CSMD1: variants seen among roughly 807,000 people sequenced by gnomAD.
The protein encoded by CSMD1 is CUB and sushi domain-containing protein 1.
In CSMD1, 213 loss-of-function variants were observed where a neutral mutation model predicts 417.5. The observed-to-expected ratio is 0.51, with a 90% CI of 0.46 to 0.57. The LOEUF (loss-of-function observed/expected upper bound fraction) is 0.57, where lower values mean the gene tolerates loss of function less well. Among genes scored for constraint, CSMD1 ranks in the 20% least tolerant of loss-of-function variants. CSMD1 has a pLI of 0.00. For synonymous variants in CSMD1, 2,862 were observed against 1,736.8 expected (o/e 1.65, Z -16.11); for missense variants, 6,923 against 4,529.7 (o/e 1.53, Z -15.17).
intron 5 of CSMD1, among the ~76,000 whole-genome samples, chr8:3,990,348 A>G (rs1242901155): frequency 2.0e-5 from 3 of 152,186 alleles, no homozygotes; most frequent in Non-Finnish European, 4.4e-5. Context: ...TGAGAGAAAT[A>G]TTACACCAGA....
chr8:3,250,401 T>C (rs1800177126), intron 26 of CSMD1, among the ~76,000 whole-genome samples: 2 of 152,258 alleles, frequency 1.3e-5, no homozygotes, highest in Admixed American at 1.3e-4. Flanking sequence ...TTATTTTTTA[T>C]GGCTGGATAG....
intron 2 of CSMD1, among the ~76,000 whole-genome samples, chr8:4,490,364 T>C (rs1473785459): frequency 6.6e-6 from 1 of 152,170 alleles, no homozygotes; most frequent in East Asian, 1.9e-4. Context: ...GTGCAACCAT[T>C]GCTTAATGTC....
At chr8:3,657,969 T>C (rs764092140) in intron 7 of CSMD1, among the ~76,000 whole-genome samples, 1 of 152,166 alleles carries the variant, frequency 6.6e-6, no homozygotes, top group Non-Finnish European at 1.5e-5. Flanking sequence ...TAATGGTAAA[T>C]ACATCAAATA....
intron 50 of CSMD1, among the ~76,000 whole-genome samples, chr8:3,044,589 C>T (rs563173606): frequency 2.0e-4 from 30 of 151,866 alleles, no homozygotes; most frequent in African/African-American, 6.8e-4. Flanking sequence ...TAGCATGAAT[C>T]GTGTCTTCGA....
intron 63 of CSMD1, among the ~76,000 whole-genome samples, chr8:2,956,591 C>A (rs1447896654): frequency 1.1e-4 from 16 of 152,010 alleles, no homozygotes; most frequent in Admixed American, 1.0e-3. Context: ...GTAGCTGGGA[C>A]TACAGGCACC....
At chr8:4,262,702 C>T (rs899906701) in intron 3 of CSMD1, among the ~76,000 whole-genome samples, 1 of 152,090 alleles carries the variant, frequency 6.6e-6, no homozygotes, top group Non-Finnish European at 1.5e-5. Context: ...CTCAAGTTAT[C>T]ACTCAGGTCC....
chr8:4,862,512 G>A (rs906891130), intron 1 of CSMD1, among the ~76,000 whole-genome samples: 3 of 152,040 alleles, frequency 2.0e-5, no homozygotes, highest in South Asian at 2.1e-4. Flanking sequence ...AAATATCATC[G>A]TGGTTTGGAC....
intron 12 of CSMD1, among the ~76,000 whole-genome samples, chr8:3,445,991 G>C: frequency 6.6e-6 from 1 of 152,136 alleles, no homozygotes; most frequent in East Asian, 1.9e-4. Context: ...AGGGAGAAGG[G>C]AATGTAATGG....
rs760067947 is a variant in CSMD1 at position 3,388,474 on chromosome 8, T to C, written c.2594-792A>G. On this transcript the variant is annotated intron_variant, in intron 17 of 69. Transcript: ENST00000635120. ...ATAAAAAATCCTTGTTATTGCTGTG[T>C]CATCCTCTCAGTAAACATCAGAACA... Among the ~76,000 whole-genome samples the C allele has an allele frequency of 7.2e-5, 11 of 152,228 alleles. No individual in the cohort carries two copies. The South Asian group carries it at 1.0e-3, about 14-fold the overall frequency.
rs139338414 is a variant in CSMD1, at chr8:3,841,706, T to C, written c.819-87664A>G. On this transcript the variant is annotated intron_variant, in intron 5 of 69. Transcript: ENST00000635120. ...ATTTTAGAACCTAGTGATTATAATA[T>C]ATAATATCAAAACTACAATAGTTCC... 1.1e-3 allele frequency among the ~76,000 whole-genome samples: 169 copies of C among 151,466 alleles called. 1 individual carries two copies. Among genetic ancestry groups the C allele is most frequent in the South Asian group, 4.8e-3 (23 of 4,824 alleles).
At chr8:4,993,213 G>T (rs190332715) in intron 1 of CSMD1, among the ~76,000 whole-genome samples, 2 of 152,140 alleles carry the variant, frequency 1.3e-5, no homozygotes, top group African/African-American at 4.8e-5. Flanking sequence ...AAAAAAAATC[G>T]TAAGATTGGA....
At chr8:3,782,714 C>T (rs958014554) in intron 5 of CSMD1, among the ~76,000 whole-genome samples, 1 of 152,076 alleles carries the variant, frequency 6.6e-6, no homozygotes, top group Non-Finnish European at 1.5e-5. Context: ...TGGCTAGGTT[C>T]AAGGAGCTGG....
At chr8:3,317,909 C>G (rs528475081) in intron 23 of CSMD1, among the ~76,000 whole-genome samples, 1 of 152,312 alleles carries the variant, frequency 6.6e-6, no homozygotes, top group Non-Finnish European at 1.5e-5. Flanking sequence ...CTAGCAGGCT[C>G]AAGCGATCCT....
chr8:3,740,536 A>C (rs146386404), intron 6 of CSMD1, among the ~76,000 whole-genome samples: 16 of 152,284 alleles, frequency 1.1e-4, no homozygotes, highest in African/African-American at 3.9e-4. Flanking sequence ...ATACAGACGG[A>C]AAGGAGAAGG....
intron 2 of CSMD1, among the ~76,000 whole-genome samples, chr8:4,427,159 C>A (rs965013251): frequency 6.6e-6 from 1 of 152,088 alleles, no homozygotes; most frequent in Non-Finnish European, 1.5e-5. Flanking sequence ...AGGACAGAAT[C>A]TACACAATGG....
chr8:4,882,400 G>C (rs938659995), intron 1 of CSMD1, among the ~76,000 whole-genome samples: 3 of 151,766 alleles, frequency 2.0e-5, no homozygotes, highest in Non-Finnish European at 4.4e-5. Flanking sequence ...TGGGGAGCGA[G>C]TTTGGCATTG....
rs1800939741 is a variant in CSMD1, at chr8:3,260,033, G to C, written c.4153+24111C>G. Among the ~76,000 whole-genome samples, 5 of 152,188 alleles carry C rather than the reference G, an allele frequency of 3.3e-5. No individual in the cohort carries two copies. The South Asian group carries it at 1.0e-3, about 32-fold the overall frequency. On this transcript the variant is annotated intron_variant, in intron 26 of 69. Transcript: ENST00000635120. Reference sequence around the variant, plus strand: ...CTACTCTCTGACTCTTCAGGGAAAAGGTTTGCTCCTCCCCGGTACAGAACT... The same window carrying C: ...CTACTCTCTGACTCTTCAGGGAAAACGTTTGCTCCTCCCCGGTACAGAACT...
At chr8:4,791,813 C>G (rs144289358) in intron 1 of CSMD1, among the ~76,000 whole-genome samples, 40 of 152,256 alleles carry the variant, frequency 2.6e-4, no homozygotes, top group South Asian at 2.3e-3. Context: ...GTGGCATTCT[C>G]TGACACTGAC....
intron 2 of CSMD1, among the ~76,000 whole-genome samples, chr8:4,598,883 G>T (rs1164552269): frequency 6.6e-6 from 1 of 151,418 alleles, no homozygotes; most frequent in Non-Finnish European, 1.5e-5. Flanking sequence ...AAGAAAAAAA[G>T]AATGACTTTT....
Sources: allele counts gnomAD v4.1 joint callset (sites outside exome capture counted in the v4.1 genomes callset), GRCh38; gene constraint gnomAD v4.1.1; transcripts MANE v1.5; gene names NCBI Gene and HGNC (gene_info 2026-07-23, HGNC 2026-07-21).